The following GPC6 variants were observed in gnomAD, a reference collection of about 807,000 sequenced individuals.
The protein encoded by GPC6 is glypican 6.
Under a neutral mutation model 55.2 loss-of-function variants are expected in GPC6, and 14 were observed. The observed-to-expected ratio is 0.25, with a 90% CI of 0.17 to 0.40. The LOEUF is 0.40. GPC6 is among the 10% of genes least tolerant of loss of function. GPC6 has a pLI of 1.00. For missense variants in GPC6, 641 were observed against 708.5 expected (o/e 0.90, Z 1.08); for synonymous variants, 278 against 259.6 (o/e 1.07, Z -0.68).
At chr13:93,854,344 G>C (rs987664710) in intron 3 of GPC6, among the ~76,000 whole-genome samples, 1 of 151,508 alleles carries the variant, frequency 6.6e-6, no homozygotes, top group East Asian at 1.9e-4. Context: ...TTTTTTTCAC[G>C]ATAGTAGTAT....
At chr13:94,009,464 A>G (rs1367885663) in intron 3 of GPC6, among the ~76,000 whole-genome samples, 3 of 152,190 alleles carry the variant, frequency 2.0e-5, no homozygotes, top group Admixed American at 6.5e-5. Flanking sequence ...AGCTACTTAC[A>G]TGCTGGCATT....
chr13:94,305,478 G>A (rs1348403674), intron 5 of GPC6, among the ~76,000 whole-genome samples: 1 of 152,156 alleles, frequency 6.6e-6, no homozygotes, highest in East Asian at 1.9e-4. Context: ...GATGCTTGGG[G>A]ACCATTTTAA....
chr13:93,990,540 A>G (rs1291130182), intron 3 of GPC6, among the ~76,000 whole-genome samples: 2 of 152,074 alleles, frequency 1.3e-5, no homozygotes, highest in African/African-American at 4.8e-5. Context: ...GATGTGGCCT[A>G]TGGTAACATC....
At position 93,280,170 on chromosome 13, in the gene GPC6, G is replaced by T. The variant is rs147569517; in HGVS notation, c.160+52554G>T. Reference sequence around the variant, plus strand: ...TCCCAGAGTCCTCAGGTTCACATGTGGGGGGGGCCAGACCAAAGCTTACTT... The same window carrying T: ...TCCCAGAGTCCTCAGGTTCACATGTTGGGGGGGCCAGACCAAAGCTTACTT... On this transcript the variant is annotated intron_variant, in intron 1 of 8. Coordinates refer to ENST00000377047, the MANE Select transcript of GPC6 (RefSeq NM_005708.5). 3.5e-3 allele frequency among the ~76,000 whole-genome samples: 524 copies of T among 151,500 alleles called. 5 individuals carry two copies. Among genetic ancestry groups the T allele is most frequent in the African/African-American group, 0.012 (505 of 41,372 alleles).
At chr13:94,059,395 C>T (rs923213618) in intron 4 of GPC6, among the ~76,000 whole-genome samples, 3 of 151,978 alleles carry the variant, frequency 2.0e-5, no homozygotes, top group Admixed American at 2.0e-4. Flanking sequence ...AGCGTTTACC[C>T]TCCTGCAGCC....
chr13:93,377,772 A>C (rs1874979791), intron 1 of GPC6, among the ~76,000 whole-genome samples: 1 of 152,236 alleles, frequency 6.6e-6, no homozygotes, highest in South Asian at 2.1e-4. Context: ...GAGATAAACA[A>C]AATGCTTATG....
At chr13:93,523,057 G>GT (rs1409454165) in intron 1 of GPC6, among the ~76,000 whole-genome samples, 1 of 148,358 alleles carries the variant, frequency 6.7e-6, no homozygotes, top group East Asian at 2.0e-4. Flanking sequence ...ACACACATAT[G>GT]TGTATACATA....
intron 4 of GPC6, among the ~76,000 whole-genome samples, chr13:94,099,784 G>A (rs1885791381): frequency 6.6e-6 from 1 of 152,092 alleles, no homozygotes. Context: ...AAATTATCAG[G>A]TGGCTTAGAA....
chr13:93,468,847 A>G (rs1242018392), intron 1 of GPC6, among the ~76,000 whole-genome samples: 1 of 152,226 alleles, frequency 6.6e-6, no homozygotes, highest in Non-Finnish European at 1.5e-5. Flanking sequence ...TAATTTGTCA[A>G]AGTAAACCAC....
intron 1 of GPC6, among the ~76,000 whole-genome samples, chr13:93,501,786 T>C (rs1880529587): frequency 6.6e-6 from 1 of 152,128 alleles, no homozygotes; most frequent in Admixed American, 6.6e-5. Flanking sequence ...CAGTTTGAAA[T>C]ATCTAAATTA....
At chr13:94,050,792 A>G (rs181130505) in intron 4 of GPC6, among the ~76,000 whole-genome samples, 141 of 152,252 alleles carry the variant, frequency 9.3e-4, no homozygotes, top group African/African-American at 3.4e-3. Context: ...GACAGCTCTT[A>G]TTACGTTATT....
intron 2 of GPC6, among the ~76,000 whole-genome samples, chr13:93,571,799 A>G (rs1470607645): frequency 6.6e-6 from 1 of 152,126 alleles, no homozygotes; most frequent in Non-Finnish European, 1.5e-5. Flanking sequence ...TTAGATGGGA[A>G]AGGGAACAGA....
intron 4 of GPC6, among the ~76,000 whole-genome samples, chr13:94,259,463 G>T (rs916586414): frequency 6.6e-6 from 1 of 152,148 alleles, no homozygotes; most frequent in Non-Finnish European, 1.5e-5. Context: ...TGCTAGCATT[G>T]GTTGGTTTAG....
At chr13:94,097,001 C>A (rs1885682985) in intron 4 of GPC6, among the ~76,000 whole-genome samples, 2 of 115,070 alleles carry the variant, frequency 1.7e-5, no homozygotes, top group South Asian at 5.3e-4. Flanking sequence ...TATGTTAATA[C>A]CTATTATGAT....
intron 2 of GPC6, among the ~76,000 whole-genome samples, chr13:93,714,599 C>A (rs959843225): frequency 6.6e-6 from 1 of 151,440 alleles, no homozygotes; most frequent in Non-Finnish European, 1.5e-5. Flanking sequence ...ATCCAAAGGA[C>A]AAAAATCATA....
chr13:93,964,008 A>C (rs374463554), intron 3 of GPC6, among the ~76,000 whole-genome samples: 1 of 152,240 alleles, frequency 6.6e-6, no homozygotes, highest in South Asian at 2.1e-4. Context: ...CTCACTTTGC[A>C]ATCGAGATGC....
intron 2 of GPC6, among the ~76,000 whole-genome samples, chr13:93,806,178 A>G (rs1239674133): frequency 6.6e-6 from 1 of 152,094 alleles, no homozygotes; most frequent in Non-Finnish European, 1.5e-5. Flanking sequence ...AATAACCGGG[A>G]ATGGAGGAGA....
intron 2 of GPC6, among the ~76,000 whole-genome samples, chr13:93,619,635 G>A (rs1286133697): frequency 6.6e-6 from 1 of 151,990 alleles, no homozygotes; most frequent in African/African-American, 2.4e-5. Flanking sequence ...GAAATGTTTT[G>A]GAGAGATGGA....
Position 93,227,421 on chromosome 13 carries a change from C to A in GPC6, c.-36C>A. The A allele has an allele frequency of 6.2e-7, 1 of 1,609,950 alleles. No individual in the cohort carries two copies. Among genetic ancestry groups the A allele is most frequent in the Non-Finnish European group, 8.5e-7 (1 of 1,176,834 alleles). ...GGGGCAAGGTGAAGAGCGCACCGGCCGTGGGGTTTACCGAGCTGGATTTGT... is the reference window on the plus strand; with the variant it reads ...GGGGCAAGGTGAAGAGCGCACCGGCAGTGGGGTTTACCGAGCTGGATTTGT... On this transcript the variant is annotated 5_prime_UTR_variant, in exon 1 of 9. Coordinates refer to ENST00000377047, the MANE Select transcript of GPC6 (RefSeq NM_005708.5). This position sits in a 1 kb window ranked among gnomAD's most constrained non-coding sequence, Gnocchi z 4.3.
Sources: gnomAD v4.1 joint callset for allele counts (sites outside exome capture counted in the v4.1 genomes callset) on GRCh38, gnomAD v4.1.1 for gene constraint, Gnocchi (gnomAD v3.1) non-coding constraint, MANE v1.5 for transcripts, NCBI Gene and HGNC (gene_info 2026-07-23, HGNC 2026-07-21) for gene names.